The following ANK2 variants were observed in gnomAD, a reference collection of about 807,000 sequenced individuals.
The protein encoded by ANK2 is ankyrin-2.
A neutral mutation model predicts 360.5 loss-of-function variants in ANK2; 83 were observed. The observed-to-expected ratio is 0.23, with a 90% confidence interval of 0.19 to 0.28. The LOEUF (loss-of-function observed/expected upper bound fraction) is 0.28, where lower values mean the gene tolerates loss of function less well. Among genes scored for constraint, ANK2 ranks in the 10% least tolerant of loss-of-function variants. The pLI is 1.00. For missense variants in ANK2, 4,201 were observed against 4,795.7 expected, an observed-to-expected ratio of 0.88 and a Z score of 3.66; for synonymous variants, 1,740 against 1,759.5, an observed-to-expected ratio of 0.99 and a Z score of 0.28.
chr4:113,331,483 G>A (rs2092427906), intron 27 of ANK2, among the ~76,000 whole-genome samples: 1 of 152,188 alleles, frequency 6.6e-6, no homozygotes, highest in Non-Finnish European at 1.5e-5. Flanking sequence ...AGGAGCCTGT[G>A]AAGTTCTGGG....
At chr4:112,863,239 A>G (rs1040912393) in intron 1 of ANK2, among the ~76,000 whole-genome samples, 4 of 152,188 alleles carry the variant, frequency 2.6e-5, no homozygotes, top group Non-Finnish European at 5.9e-5. Context: ...GATTATAAAT[A>G]TGAAAATCTG....
At chr4:113,237,749 C>A in intron 7 of ANK2, 127 bp downstream of exon 7, 1 of 889,326 alleles carries the variant, frequency 1.1e-6, no homozygotes, top group Non-Finnish European at 1.9e-6. Context: ...AATTTGAAAA[C>A]CTTCCCCATA....
Position 113,205,235 on chromosome 4 carries a change from C to CAAAAA in ANK2, c.384+6144_384+6148dup, listed in dbSNP as rs369993364. ...TGGGCGACAGAGCAAGACTCCGTCT[C>CAAAAA]AAAAAAAAAAAAAAAAAAAAAAGAC... is the stretch of plus-strand genomic sequence containing the variant. On this transcript the variant is annotated intron_variant, in intron 4 of 45. Coordinates refer to ENST00000357077, the MANE Select transcript of ANK2 (RefSeq NM_001148.6). 3.4e-3 allele frequency among the ~76,000 whole-genome samples: 218 copies of CAAAAA among 63,650 alleles called. 11 individuals carry two copies. Among genetic ancestry groups the CAAAAA allele is most frequent in the African/African-American group, 9.5e-3 (140 of 14,780 alleles). The allele number at this position is 63,650 out of a possible 152,430, so 41.8% of individuals were successfully genotyped here.
chr4:113,354,837 A>G lies in ANK2; in HGVS notation c.6219A>G (p.Ile2073Met). 2 of 1,614,102 alleles carry G rather than the reference A, an allele frequency of 1.2e-6. No individual in the cohort carries two copies. The highest frequency in any genetic ancestry group is 1.7e-6 in the Non-Finnish European group (2 of 1,179,972). The change falls in exon 38 of 46, where the codon ATA becomes ATG. Residue 2073 changes from isoleucine to methionine, a missense_variant. Physicochemically the swap from Ile to Met is conservative, Grantham distance 10 (BLOSUM62 1). Around this residue, in one of 4 missense-constraint regions of ANK2, gnomAD observed 2,642 missense variants for 2,714.5 expected, o/e 0.97. Transcript: ENST00000357077. Reference protein sequence around the residue: ...ESKRGVRVSSIGVKKEDAAGG... With the variant: ...ESKRGVRVSSMGVKKEDAAGG... ...AAAGAGGAGTTCGTGTTTCCTCCATAGGAGTTAAGAAAGAAGATGCAGCTG... is the reference window on the plus strand; with the variant it reads ...AAAGAGGAGTTCGTGTTTCCTCCATGGGAGTTAAGAAAGAAGATGCAGCTG...
exon 2 of ANK2, chr4:112,904,499 C>T: frequency 6.7e-7 from 1 of 1,503,538 alleles, no homozygotes; most frequent in Non-Finnish European, 9.0e-7. Context: ...TTCAAATGAC[C>T]ACCATGTTGC....
At chr4:113,359,801 G>T (rs1269601580) in intron 38 of ANK2, among the ~76,000 whole-genome samples, 1 of 152,120 alleles carries the variant, frequency 6.6e-6, no homozygotes, top group African/African-American at 2.4e-5. Flanking sequence ...AATTGTTGTG[G>T]ATCTGTTTTT....
rs532124355 is a variant in ANK2 at position 112,874,790 on chromosome 4, T to C, written c.-39-29665T>C. On this transcript the variant is annotated intron_variant, in intron 1 of 30. Transcript: ENST00000503271. The stretch of plus-strand genomic sequence containing the variant: ...TGGTGAATGAATATGAATTTTCTTC[T>C]GTAATCAGTGGGAAATCAATGGAGG... 3.9e-5 allele frequency among the ~76,000 whole-genome samples: 6 copies of C among 152,278 alleles called. No individual in the cohort carries two copies. The East Asian group carries it at 7.7e-4, about 20-fold the overall frequency.
chr4:113,082,056 G>A (rs752021643), intron 1 of ANK2, among the ~76,000 whole-genome samples: 37 of 152,104 alleles, frequency 2.4e-4, no homozygotes, highest in South Asian at 1.0e-3. Flanking sequence ...TGATCCGCCC[G>A]TCTCGGCCTC....
At chr4:112,877,061 T>C (rs1240983719) in intron 1 of ANK2, among the ~76,000 whole-genome samples, 1 of 152,196 alleles carries the variant, frequency 6.6e-6, no homozygotes, top group East Asian at 1.9e-4. Flanking sequence ...CAAAACTCTA[T>C]TCCTTTCTCC....
intron 1 of ANK2, among the ~76,000 whole-genome samples, chr4:113,109,628 T>C (rs1243465346): frequency 6.6e-6 from 1 of 152,200 alleles, no homozygotes; most frequent in Non-Finnish European, 1.5e-5. Flanking sequence ...TGCAGGGAAA[T>C]GCACTTAGGA....
chr4:113,091,394 C>T (rs4834312), intron 1 of ANK2, among the ~76,000 whole-genome samples: 71,759 of 151,960 alleles, frequency 0.47, 17,708 homozygotes, highest in East Asian at 0.62. Context: ...TTTGGATTGG[C>T]ACAGTCTTTA....
At chr4:112,937,568 TCCACC>T (rs1338058542) in intron 2 of ANK2, among the ~76,000 whole-genome samples, 1 of 152,146 alleles carries the variant, frequency 6.6e-6, no homozygotes, top group Non-Finnish European at 1.5e-5. Flanking sequence ...CCTCAGGTGA[TCCACC>T]CGCCTCGGCC....
chr4:112,779,436 G>A, the ANK2 span, among the ~76,000 whole-genome samples: 1 of 152,060 alleles, frequency 6.6e-6, no homozygotes, highest in Non-Finnish European at 1.5e-5. Flanking sequence ...GGATAATGGC[G>A]TGAACCCGGG....
intron 2 of ANK2, among the ~76,000 whole-genome samples, chr4:113,037,034 C>G (rs2061758630): frequency 6.6e-6 from 1 of 151,908 alleles, no homozygotes; most frequent in African/African-American, 2.4e-5. Flanking sequence ...TATGCTGATG[C>G]TAATGTTACT....
chr4:112,917,203 C>T (rs1203062071), intron 2 of ANK2, among the ~76,000 whole-genome samples: 1 of 152,224 alleles, frequency 6.6e-6, no homozygotes, highest in Non-Finnish European at 1.5e-5. Flanking sequence ...GCTAAAGTGA[C>T]AAGCACCACA....
intron 1 of ANK2, among the ~76,000 whole-genome samples, chr4:113,136,841 C>T (rs1294107528): frequency 6.6e-6 from 1 of 151,178 alleles, no homozygotes; most frequent in Non-Finnish European, 1.5e-5. Context: ...ACTGCAACCT[C>T]CGCCTCCCGG....
chr4:113,235,681 C>T (rs931677872), intron 5 of ANK2, among the ~76,000 whole-genome samples: 6 of 152,164 alleles, frequency 3.9e-5, no homozygotes, highest in African/African-American at 1.4e-4. Context: ...GGTGATCTAC[C>T]TGCCTCAGCC....
the ANK2 span, among the ~76,000 whole-genome samples, chr4:112,726,851 C>CAAAA: frequency 4.3e-5 from 3 of 69,392 alleles, no homozygotes; most frequent in Non-Finnish European, 6.2e-5. Context: ...GACTCTGTCT[C>CAAAA]AAAAAAAAAA....
chr4:113,019,888 G>A (rs946317099), intron 2 of ANK2, among the ~76,000 whole-genome samples: 2 of 151,798 alleles, frequency 1.3e-5, no homozygotes, highest in Admixed American at 6.6e-5. Flanking sequence ...AGGCTAGGAA[G>A]GGATTACCTA....
Sources: allele counts gnomAD v4.1 joint callset (sites outside exome capture counted in the v4.1 genomes callset), GRCh38; gene constraint gnomAD v4.1.1; regional missense constraint gnomAD v4.1.1; transcripts MANE v1.5; gene names NCBI Gene and HGNC (gene_info 2026-07-23, HGNC 2026-07-21).